The following TMEM156 variants were observed in gnomAD, a reference collection of about 807,000 sequenced individuals.
TMEM156 encodes transmembrane protein 156.
A neutral mutation model predicts 30.5 loss-of-function variants in TMEM156; 28 were observed. The ratio of observed to expected loss-of-function variants is 0.92; its 90% confidence interval spans 0.68 to 1.26. TMEM156 has a LOEUF of 1.26. Among genes scored for constraint, TMEM156 ranks in the 50% most tolerant of loss-of-function variants. The pLI is 0.00. For missense variants in TMEM156, 351 were observed against 340.6 expected (o/e 1.03, Z -0.24); for synonymous variants, 137 against 119.9 (o/e 1.14, Z -0.93).
chr4:38,971,288 C>T (rs1722585832), intron 5 of TMEM156, 151 bp from the exon 6 acceptor site: 2 of 635,576 alleles, frequency 3.1e-6, no homozygotes, highest in South Asian at 3.9e-5. Flanking sequence ...TTCCTGCCTA[C>T]CTCTCTAACA....
At chr4:38,992,321 C>G (rs1388050435) in intron 3 of TMEM156, among the ~76,000 whole-genome samples, 1 of 151,950 alleles carries the variant, frequency 6.6e-6, no homozygotes, top group African/African-American at 2.4e-5. Context: ...CACTGCCTAG[C>G]ATACAGCAGG....
chr4:39,013,409 AT>A (rs1321581478), intron 1 of TMEM156, among the ~76,000 whole-genome samples: 5 of 141,000 alleles, frequency 3.5e-5, no homozygotes, highest in Admixed American at 6.9e-5. Context: ...TTATTTATTT[AT>A]TTATTTATTA....
At chr4:39,014,517 G>C (rs1490848349) in intron 1 of TMEM156, among the ~76,000 whole-genome samples, 1 of 152,130 alleles carries the variant, frequency 6.6e-6, no homozygotes, top group Non-Finnish European at 1.5e-5. Context: ...CCAGCACTTT[G>C]GGAGGCGGAG....
At chr4:38,988,644 C>T (rs1192928353) in intron 4 of TMEM156, among the ~76,000 whole-genome samples, 1 of 115,702 alleles carries the variant, frequency 8.6e-6, no homozygotes. Context: ...AGTCTTTCTT[C>T]TTCTCTTACT....
intron 5 of TMEM156, 96 bp from the exon 6 acceptor site, chr4:38,971,233 C>T (rs1023527318): frequency 6.0e-6 from 7 of 1,161,064 alleles, no homozygotes; most frequent in Admixed American, 2.0e-5. Context: ...GAGAAGCATG[C>T]TCTACCTCTA....
At position 39,002,584 on chromosome 4, in the gene TMEM156, C is replaced by T. The variant is rs958184090; in HGVS notation, c.89-3675G>A. Among the ~76,000 whole-genome samples, 22 of 143,646 alleles carry T rather than the reference C, an allele frequency of 1.5e-4. 1 individual carries two copies. The highest frequency in any genetic ancestry group is 1.2e-3 in the Admixed American group (17 of 14,080). 94.2% of individuals were successfully genotyped at this position (143,646 alleles called of 152,430 possible). A position where few individuals can be genotyped will look rare whatever the true frequency, so the allele number is the denominator to read the frequency against. On this transcript the variant is annotated intron_variant, in intron 1 of 6. Coordinates refer to ENST00000381938, the MANE Select transcript of TMEM156 (RefSeq NM_024943.3). ...ATGCTGCTATAAAGACACATGCACACGTATGTTTATTGAGGCATTATTCAC... is the reference window on the plus strand; with the variant it reads ...ATGCTGCTATAAAGACACATGCACATGTATGTTTATTGAGGCATTATTCAC...
At chr4:39,017,331 C>T (rs541506603) in intron 1 of TMEM156, among the ~76,000 whole-genome samples, 24 of 151,726 alleles carry the variant, frequency 1.6e-4, no homozygotes, top group South Asian at 6.3e-4. Flanking sequence ...CCCGCCACCA[C>T]GCCTGGCTAA....
At position 38,971,157 on chromosome 4, in the gene TMEM156, G is replaced by A. The variant is rs1192118822; in HGVS notation, c.824-20C>T. 6.2e-7 allele frequency: 1 copy of A among 1,611,702 alleles called. No individual in the cohort carries two copies. The highest frequency in any genetic ancestry group is 1.7e-5 in the Admixed American group (1 of 59,988). ...TCTCTGCTATTTAAGAAGGAGAACTGTTTTAGTCTATATGTAGTAAATAGC... is the reference window on the plus strand; with the variant it reads ...TCTCTGCTATTTAAGAAGGAGAACTATTTTAGTCTATATGTAGTAAATAGC... On this transcript the variant is annotated intron_variant, in intron 5 of 6. Transcript: ENST00000381938.
intron 5 of TMEM156, among the ~76,000 whole-genome samples, chr4:38,976,289 C>CAAAA (rs34271253): frequency 5.4e-5 from 4 of 74,316 alleles, no homozygotes; most frequent in Non-Finnish European, 7.5e-5. Flanking sequence ...GACTCCGTCT[C>CAAAA]AAAAAAAAAA....
rs573739166 is a variant in TMEM156 at position 38,990,769 on chromosome 4, A to T, written c.620-1799T>A. 5.7e-5 allele frequency among the ~76,000 whole-genome samples: 8 copies of T among 141,068 alleles called. No homozygotes were observed. The East Asian group carries it at 1.4e-3, about 25-fold the overall frequency. 92.5% of individuals were successfully genotyped at this position (141,068 alleles called of 152,430 possible). ...TGACCCCCTGATGGAGAAGGCTTTT[A>T]CTCCCACCAAAGTACAAAGTTGGTT... On this transcript the variant is annotated intron_variant, in intron 3 of 6. Transcript: ENST00000381938.
rs147832949 is a variant in TMEM156 at position 38,995,142 on chromosome 4, G to A, written c.359-1144C>T. 8.3e-3 allele frequency among the ~76,000 whole-genome samples: 1,257 copies of A among 152,180 alleles called. 18 individuals carry two copies. Among genetic ancestry groups the A allele is most frequent in the African/African-American group, 0.028 (1,171 of 41,518 alleles). On this transcript the variant is annotated intron_variant, in intron 2 of 6. Coordinates refer to ENST00000381938, the MANE Select transcript of TMEM156 (RefSeq NM_024943.3). ...CATCTTCACATGTCAGTCTCCCTGT[G>A]TCCATGTCTCTGTGTCCAAACTTCT...
At chr4:39,027,971 G>A (rs558937933) in intron 1 of TMEM156, among the ~76,000 whole-genome samples, 72 of 152,082 alleles carry the variant, frequency 4.7e-4, no homozygotes, top group African/African-American at 1.7e-3. Context: ...TGGCCAGGCC[G>A]GTCTTAAACT....
At position 38,973,156 on chromosome 4, in the gene TMEM156, T is replaced by C. The variant is rs57891314; in HGVS notation, c.824-2019A>G. The stretch of plus-strand genomic sequence containing the variant: ...TTCAGTCATCCCAATACCAGTCAGT[T>C]TGTAATCCAGTACCTTGATGGAATG... On this transcript the variant is annotated intron_variant, in intron 5 of 6. Coordinates refer to ENST00000381938, the MANE Select transcript of TMEM156 (RefSeq NM_024943.3). Among the ~76,000 whole-genome samples, 4 of 152,362 alleles carry C rather than the reference T, an allele frequency of 2.6e-5. No individual in the cohort carries two copies. In the East Asian group the frequency reaches 7.7e-4, roughly 29 times the overall value.
intron 3 of TMEM156, among the ~76,000 whole-genome samples, chr4:38,992,569 A>G (rs1177072493): frequency 6.7e-6 from 1 of 150,114 alleles, no homozygotes; most frequent in Non-Finnish European, 1.5e-5. Flanking sequence ...GCATTACAGC[A>G]AACTCCCATT....
chr4:39,016,113 C>T (rs1212799951), intron 1 of TMEM156, among the ~76,000 whole-genome samples: 10 of 152,208 alleles, frequency 6.6e-5, no homozygotes, highest in East Asian at 5.8e-4. Flanking sequence ...TGGTGGCTCA[C>T]GCCTGTAATC....
intron 1 of TMEM156, among the ~76,000 whole-genome samples, chr4:39,014,030 AAAAATGAGTAT>A (rs1375340597): frequency 1.1e-4 from 16 of 152,220 alleles, no homozygotes; most frequent in African/African-American, 3.9e-4. Flanking sequence ...AAATGCATAT[AAAAATGAGTAT>A]GGCTGCATTC....
At chr4:38,987,328 T>A (rs988357816) in intron 4 of TMEM156, among the ~76,000 whole-genome samples, 1 of 152,232 alleles carries the variant, frequency 6.6e-6, no homozygotes, top group Admixed American at 6.5e-5. Flanking sequence ...AAAATAAAAA[T>A]AGCATATATC....
chr4:39,029,086 T>C (rs1715370948), intron 1 of TMEM156, among the ~76,000 whole-genome samples: 1 of 152,216 alleles, frequency 6.6e-6, no homozygotes, highest in Non-Finnish European at 1.5e-5. Context: ...AGTTGCTTTA[T>C]TTTTAACTTA....
At chr4:38,983,969 T>G (rs965400432) in intron 5 of TMEM156, among the ~76,000 whole-genome samples, 1 of 152,226 alleles carries the variant, frequency 6.6e-6, no homozygotes, top group Non-Finnish European at 1.5e-5. Context: ...TGCCAGATAT[T>G]ATGCTAGCAA....
Sources: gnomAD v4.1 joint callset for allele counts (sites outside exome capture counted in the v4.1 genomes callset) on GRCh38, gnomAD v4.1.1 for gene constraint, MANE v1.5 for transcripts, NCBI Gene and HGNC (gene_info 2026-07-23, HGNC 2026-07-21) for gene names.